ARHGAP32: variants seen among roughly 807,000 people sequenced by gnomAD.
ARHGAP32 encodes the protein rho GTPase-activating protein 32.
ARHGAP32 carries 51 observed loss-of-function variants against 186.5 expected under a neutral mutation model. The ratio of observed to expected loss-of-function variants is 0.27; its 90% CI spans 0.22 to 0.35. ARHGAP32 has a LOEUF of 0.35. ARHGAP32 is among the 10% of genes least tolerant of loss of function. ARHGAP32 has a pLI of 1.00. For missense variants in ARHGAP32, 2,186 were observed against 2,623.5 expected (o/e 0.83, Z 3.64); for synonymous variants, 950 against 964.3 (o/e 0.99, Z 0.27).
chr11:129,273,371 A>G (rs1945494211), intron 1 of ARHGAP32, among the ~76,000 whole-genome samples: 1 of 152,128 alleles, frequency 6.6e-6, no homozygotes, highest in Admixed American at 6.5e-5. Flanking sequence ...TGCTATTCCT[A>G]CTTAATCTGG....
chr11:129,225,397 A>T (rs952304770), intron 1 of ARHGAP32, among the ~76,000 whole-genome samples: 5 of 152,162 alleles, frequency 3.3e-5, no homozygotes. Flanking sequence ...AAGCAAAGTT[A>T]TCAAATGTCT....
chr11:129,259,124 A>G (rs1945290989), intron 1 of ARHGAP32, among the ~76,000 whole-genome samples: 1 of 152,222 alleles, frequency 6.6e-6, no homozygotes, highest in Non-Finnish European at 1.5e-5. Flanking sequence ...GCACTATGTA[A>G]TGGCAAATTG....
At chr11:129,194,745 C>A (rs1190619012), upstream of ARHGAP32, among the ~76,000 whole-genome samples, 1 of 151,410 alleles carries the variant, frequency 6.6e-6, no homozygotes, top group African/African-American at 2.4e-5. Flanking sequence ...AAGAGTGAAA[C>A]TCCGTCTCAA....
intron 11 of ARHGAP32, among the ~76,000 whole-genome samples, chr11:129,008,276 G>A: frequency 6.6e-6 from 1 of 152,156 alleles, no homozygotes; most frequent in East Asian, 1.9e-4. Context: ...GAAACAATCA[G>A]TGGAGCCTTT....
At chr11:129,244,226 CCT>C (rs1298020492) in intron 1 of ARHGAP32, among the ~76,000 whole-genome samples, 4 of 151,966 alleles carry the variant, frequency 2.6e-5, no homozygotes, top group Admixed American at 2.0e-4. Flanking sequence ...GAGTGAGAAC[CCT>C]GTCTCAGAAA....
rs899370744 is a variant in ARHGAP32 at position 129,106,986 on chromosome 11, G to A, written c.445-13279C>T. On this transcript the variant is annotated intron_variant, in intron 5 of 22. Coordinates refer to ENST00000682385, the MANE Select transcript of ARHGAP32 (RefSeq NM_001378024.1). ...TAAATGTGCACATCCAAAATCCAAA[G>A]AGTTCCACACCAAGACACACTATAA... is the stretch of plus-strand genomic sequence containing the variant. Among the ~76,000 whole-genome samples the A allele has an allele frequency of 5.3e-5, 8 of 152,084 alleles. No individual in the cohort carries two copies. The East Asian group carries it at 1.4e-3, about 26-fold the overall frequency.
chr11:129,197,118 T>G (rs995296359), upstream of ARHGAP32, among the ~76,000 whole-genome samples: 1 of 152,192 alleles, frequency 6.6e-6, no homozygotes, highest in Non-Finnish European at 1.5e-5. Flanking sequence ...AAATGTTACT[T>G]CTGTGGGAAG....
chr11:128,971,495 C>G, intron 22 of ARHGAP32: 1 of 232,288 alleles, frequency 4.3e-6, no homozygotes, highest in Non-Finnish European at 8.4e-6. Context: ...AATACATACC[C>G]GGTCTATTAG....
At chr11:129,263,239 C>T (rs1358821763) in intron 1 of ARHGAP32, among the ~76,000 whole-genome samples, 1 of 152,020 alleles carries the variant, frequency 6.6e-6, no homozygotes, top group East Asian at 1.9e-4. Context: ...AACTAGACAA[C>T]ATTAATATTA....
intron 1 of ARHGAP32, among the ~76,000 whole-genome samples, chr11:129,277,774 C>A (rs1018558808): frequency 3.3e-5 from 5 of 152,172 alleles, no homozygotes; most frequent in African/African-American, 1.2e-4. Flanking sequence ...TCACAACATC[C>A]TAATGCCTCA....
intron 2 of ARHGAP32, among the ~76,000 whole-genome samples, chr11:129,141,160 T>A (rs571272225): frequency 2.0e-5 from 3 of 152,202 alleles, no homozygotes; most frequent in Admixed American, 1.3e-4. Context: ...TTAAAAATCA[T>A]ATTCCCAGAC....
rs113436324 is a variant in ARHGAP32 at position 129,198,419 on chromosome 11, T to C, written c.-4-33992A>G. Among the ~76,000 whole-genome samples the C allele has an allele frequency of 3.5e-3, 527 of 152,306 alleles. 1 individual carries two copies. The highest frequency in any genetic ancestry group is 5.1e-3 in the Admixed American group (78 of 15,306). On this transcript the variant is annotated intron_variant, in intron 1 of 6. Coordinates refer to the ARHGAP32 transcript ENST00000525234. ...TCATCTTGAATTGTAGCTCCCATAA[T>C]TCCCATGTGTGGTGGGAAGGACCTG...
chr11:129,000,317 C>G (rs1008359022), intron 11 of ARHGAP32, among the ~76,000 whole-genome samples: 2 of 152,074 alleles, frequency 1.3e-5, no homozygotes, highest in African/African-American at 4.8e-5. Context: ...ATGACTTTTG[C>G]TGAGAAGTGC....
chr11:128,982,573 T>C (rs1945737545), intron 15 of ARHGAP32, among the ~76,000 whole-genome samples: 1 of 151,668 alleles, frequency 6.6e-6, no homozygotes, highest in Non-Finnish European at 1.5e-5. Flanking sequence ...TCCTACCTAA[T>C]AGTGCCCAGA....
At chr11:129,058,236 C>A (rs61910976) in intron 10 of ARHGAP32, among the ~76,000 whole-genome samples, 12,918 of 132,734 alleles carry the variant, frequency 0.097, 621 homozygotes, top group South Asian at 0.23. Context: ...CTCTCTCTCT[C>A]TCTATATATA....
intron 8 of ARHGAP32, among the ~76,000 whole-genome samples, chr11:129,064,608 A>C (rs1940625170): frequency 6.6e-6 from 1 of 152,262 alleles, no homozygotes; most frequent in Non-Finnish European, 1.5e-5. Context: ...CCAAAATAAC[A>C]GGTATCATCG....
chr11:129,250,167 T>C (rs1023736865), intron 1 of ARHGAP32, among the ~76,000 whole-genome samples: 3 of 152,062 alleles, frequency 2.0e-5, no homozygotes, highest in Non-Finnish European at 1.5e-5. Flanking sequence ...CAATGAGCTA[T>C]GATCACACCA....
chr11:129,006,384 C>G (rs1190054244), intron 11 of ARHGAP32, among the ~76,000 whole-genome samples: 1 of 152,126 alleles, frequency 6.6e-6, no homozygotes, highest in African/African-American at 2.4e-5. Context: ...TCCAGGTATT[C>G]AAAAGAAGTT....
At chr11:129,134,113 G>A (rs989975392) in intron 2 of ARHGAP32, among the ~76,000 whole-genome samples, 5 of 151,564 alleles carry the variant, frequency 3.3e-5, no homozygotes, top group African/African-American at 9.7e-5. Flanking sequence ...AAAACACTAC[G>A]ATCAAACAGA....
Sources: allele counts gnomAD v4.1 joint callset (sites outside exome capture counted in the v4.1 genomes callset), GRCh38; gene constraint gnomAD v4.1.1; transcripts MANE v1.5; gene names NCBI Gene and HGNC (gene_info 2026-07-23, HGNC 2026-07-21).